The following NDRG1 variants were observed in gnomAD, a reference collection of about 807,000 sequenced individuals.
NDRG1 encodes the protein N-myc downstream regulated 1, also known as protein NDRG1.
A neutral mutation model predicts 56.9 loss-of-function variants in NDRG1; 32 were observed. That is an observed-to-expected ratio of 0.56 (90% CI 0.42 to 0.76). The LOEUF (loss-of-function observed/expected upper bound fraction) is 0.76. Ranked by LOEUF, NDRG1 falls within the 30% of genes least tolerant of loss-of-function variation. NDRG1 has a pLI of 0.00. For synonymous variants in NDRG1, 211 were observed against 204.1 expected (o/e 1.03, Z -0.29); for missense variants, 507 against 545.7 (o/e 0.93, Z 0.71).
intron 3 of NDRG1, among the ~76,000 whole-genome samples, chr8:133,278,273 A>C (rs1857570852): frequency 7.2e-6 from 1 of 139,812 alleles, no homozygotes; most frequent in Non-Finnish European, 1.5e-5. Flanking sequence ...CCCTGGGTGC[A>C]TTTTTTCCCA....
intron 14 of NDRG1, 36 bp downstream of exon 14, chr8:133,244,318 GA>G (rs756132057): frequency 6.2e-7 from 1 of 1,613,460 alleles, no homozygotes; most frequent in South Asian, 1.1e-5. Flanking sequence ...AGGGGGAAGC[GA>G]CAGCTGTATA....
intron 7 of NDRG1, among the ~76,000 whole-genome samples, chr8:133,257,966 A>G (rs1187304217): frequency 6.6e-6 from 1 of 152,198 alleles, no homozygotes; most frequent in African/African-American, 2.4e-5. Context: ...AGCCCAGAGA[A>G]ATAACAATGA....
At position 133,240,295 on chromosome 8, in the gene NDRG1, CAG is replaced by C. The variant is rs1180817687; in HGVS notation, c.944-1178_944-1177del. ...GCCACACTGAGTCAGACATCAGAAACAGGGGCAGTTGATCCACACCAAGCATG... is the reference window on the plus strand; with the variant it reads ...GCCACACTGAGTCAGACATCAGAAACGGGCAGTTGATCCACACCAAGCATG... On this transcript the variant is annotated intron_variant, in intron 15 of 15. Transcript: ENST00000323851. The C allele has an allele frequency of 5.9e-5, 9 of 152,116 alleles. No individual in the cohort carries two copies. In the East Asian group the frequency reaches 1.5e-3, roughly 26 times the overall value. 9.4% of individuals were successfully genotyped at this position (152,116 alleles called of 1,614,324 possible). A position where few individuals can be genotyped will look rare whatever the true frequency, so the allele number is the denominator to read the frequency against.
chr8:133,267,622 G>A (rs1474171499), intron 3 of NDRG1, among the ~76,000 whole-genome samples: 2 of 152,202 alleles, frequency 1.3e-5, no homozygotes, highest in Non-Finnish European at 2.9e-5. Context: ...AAGCCACTGT[G>A]GGAACAAAGG....
intron 7 of NDRG1, among the ~76,000 whole-genome samples, 173 bp downstream of exon 7, chr8:133,258,193 T>C (rs1856476378): frequency 6.6e-6 from 1 of 151,762 alleles, no homozygotes; most frequent in Non-Finnish European, 1.5e-5. Context: ...GAGAAAAGGC[T>C]GTGAGTATAT....
At chr8:133,263,637 C>T (rs966527910) in intron 4 of NDRG1, among the ~76,000 whole-genome samples, 1 of 152,130 alleles carries the variant, frequency 6.6e-6, no homozygotes, top group Non-Finnish European at 1.5e-5. Context: ...AATAGATGGC[C>T]GGGCCCAATG....
chr8:133,275,490 C>A (rs1360312189), intron 3 of NDRG1, among the ~76,000 whole-genome samples: 1 of 152,134 alleles, frequency 6.6e-6, no homozygotes, highest in African/African-American at 2.4e-5. Context: ...AATGATCTAT[C>A]CCCAGTCTCT....
chr8:133,276,277 T>C (rs1429874294), intron 3 of NDRG1, among the ~76,000 whole-genome samples: 1 of 152,154 alleles, frequency 6.6e-6, no homozygotes, highest in Non-Finnish European at 1.5e-5. Flanking sequence ...TGTCCTGAGA[T>C]GGGAGAATGT....
rs553320167 is a variant in NDRG1 at position 133,259,491 on chromosome 8, T to C, written c.327-261A>G. The C allele has an allele frequency of 4.8e-4, 257 of 533,066 alleles. No homozygotes were observed. The South Asian group carries it at 5.1e-3, about 11-fold the overall frequency. 33.0% of individuals were successfully genotyped at this position (533,066 alleles called of 1,614,324 possible). ...TTTCACAATAACTCTAGGAGGCTGC[T>C]AGGATTTCCCCTCATAGCAAGATTA... On this transcript the variant is annotated intron_variant, in intron 5 of 15. Coordinates refer to ENST00000323851, the MANE Select transcript of NDRG1 (RefSeq NM_006096.4).
chr8:133,270,390 T>C (rs576714843), intron 3 of NDRG1, among the ~76,000 whole-genome samples: 22 of 152,300 alleles, frequency 1.4e-4, no homozygotes, highest in African/African-American at 4.1e-4. Flanking sequence ...TTTTTGAGGA[T>C]AGAATTCCAA....
chr8:133,266,576 G>T (rs1483514686), intron 3 of NDRG1, among the ~76,000 whole-genome samples: 1 of 152,172 alleles, frequency 6.6e-6, no homozygotes, highest in African/African-American at 2.4e-5. Flanking sequence ...AATGTAGGCT[G>T]CTCCATCTGT....
intron 1 of NDRG1, among the ~76,000 whole-genome samples, chr8:133,286,982 G>A (rs1172613450): frequency 6.6e-6 from 1 of 152,100 alleles, no homozygotes; most frequent in Non-Finnish European, 1.5e-5. Flanking sequence ...CCAGCTGCTG[G>A]CGGTCCACCA....
At chr8:133,280,410 A>T in intron 2 of NDRG1, 143 bp from the exon 3 acceptor site, 1 of 714,474 alleles carries the variant, frequency 1.4e-6, no homozygotes, top group Admixed American at 2.8e-5. Flanking sequence ...TCACAAAGGC[A>T]GGCTTTCCTT....
At chr8:133,276,006 G>A (rs984771589) in intron 3 of NDRG1, among the ~76,000 whole-genome samples, 1 of 152,324 alleles carries the variant, frequency 6.6e-6, no homozygotes, top group South Asian at 2.1e-4. Flanking sequence ...CAGGCACAAA[G>A]TGGGCATTTG....
intron 4 of NDRG1, among the ~76,000 whole-genome samples, chr8:133,264,244 C>G (rs901862522): frequency 1.3e-5 from 2 of 152,196 alleles, no homozygotes; most frequent in East Asian, 3.9e-4. Flanking sequence ...TTGTGCTGAT[C>G]GTTGCACAAT....
At chr8:133,239,149 G>A (rs1855242128) in intron 15 of NDRG1, 30 bp from the exon 16 acceptor site, 1 of 1,550,462 alleles carries the variant, frequency 6.4e-7, no homozygotes, top group Non-Finnish European at 8.7e-7. Flanking sequence ...CCGGTTAGAG[G>A]GCAGGAGACT....
At chr8:133,287,538 C>T (rs993425367) in intron 1 of NDRG1, among the ~76,000 whole-genome samples, 1 of 152,236 alleles carries the variant, frequency 6.6e-6, no homozygotes, top group Non-Finnish European at 1.5e-5. Context: ...CCCTTGGGCT[C>T]ACTCATCAGG....
chr8:133,248,997 C>T (rs1855859535), intron 10 of NDRG1, among the ~76,000 whole-genome samples: 1 of 152,182 alleles, frequency 6.6e-6, no homozygotes, highest in Non-Finnish European at 1.5e-5. Context: ...AGAGCCCCCT[C>T]ATTTTGTCAC....
At chr8:133,275,053 T>C (rs1025760152) in intron 3 of NDRG1, among the ~76,000 whole-genome samples, 3 of 152,180 alleles carry the variant, frequency 2.0e-5, no homozygotes, top group African/African-American at 7.2e-5. Flanking sequence ...CCCGGGCTGA[T>C]ACGCCCTGTA....
Sources: gnomAD v4.1 joint callset for allele counts (sites outside exome capture counted in the v4.1 genomes callset) on GRCh38, gnomAD v4.1.1 for gene constraint, MANE v1.5 for transcripts, NCBI Gene and HGNC (gene_info 2026-07-23, HGNC 2026-07-21) for gene names.